KCNIP1: variants seen among roughly 807,000 people sequenced by gnomAD.
KCNIP1 encodes A-type potassium channel modulatory protein KCNIP1.
KCNIP1 carries 18 observed loss-of-function variants against 33.0 expected under a neutral mutation model. That is an observed-to-expected ratio of 0.55 (90% CI 0.38 to 0.81). The LOEUF (loss-of-function observed/expected upper bound fraction) is 0.81. Among genes scored for constraint, KCNIP1 ranks in the 30% least tolerant of loss-of-function variants. The probability of loss-of-function intolerance (pLI) is 0.00; values close to 1 mark genes in which losing one functional copy is unlikely to be tolerated. For synonymous variants in KCNIP1, 93 were observed against 98.3 expected (o/e 0.95, Z 0.32); for missense variants, 238 against 271.6 (o/e 0.88, Z 0.87).
chr5:170,411,857 G>A (rs573814008), intron 1 of KCNIP1, among the ~76,000 whole-genome samples: 1 of 152,310 alleles, frequency 6.6e-6, no homozygotes, highest in South Asian at 2.1e-4. Flanking sequence ...GTGAGTAGGT[G>A]AGTGGAGGTC....
chr5:170,503,817 A>G (rs1359546902), upstream of KCNIP1, among the ~76,000 whole-genome samples: 2 of 150,040 alleles, frequency 1.3e-5, no homozygotes, highest in Non-Finnish European at 3.0e-5. Context: ...AACCTCACCC[A>G]TCAGCCAGGT....
chr5:170,592,815 A>G (rs1230253527), intron 1 of KCNIP1, among the ~76,000 whole-genome samples: 1 of 152,202 alleles, frequency 6.6e-6, no homozygotes, highest in Non-Finnish European at 1.5e-5. Flanking sequence ...CAAAGTGCTA[A>G]GCATGTGGCT....
chr5:170,568,812 G>A (rs890414062), intron 1 of KCNIP1, among the ~76,000 whole-genome samples: 4 of 151,926 alleles, frequency 2.6e-5, no homozygotes, highest in African/African-American at 9.7e-5. Flanking sequence ...GACAGAATGC[G>A]ACTCCATCTC....
chr5:170,393,966 G>T (rs1278223014), intron 1 of KCNIP1, among the ~76,000 whole-genome samples: 1 of 152,164 alleles, frequency 6.6e-6, no homozygotes, highest in African/African-American at 2.4e-5. Flanking sequence ...TTTCCTTAGT[G>T]CAAATCATCC....
intron 1 of KCNIP1, among the ~76,000 whole-genome samples, chr5:170,386,993 A>C (rs1212062659): frequency 6.6e-6 from 1 of 152,016 alleles, no homozygotes; most frequent in Non-Finnish European, 1.5e-5. Context: ...ACAGCCCCTC[A>C]ATCTATGCCG....
At chr5:170,688,497 C>G (rs1363440151) in intron 1 of KCNIP1, among the ~76,000 whole-genome samples, 1 of 152,196 alleles carries the variant, frequency 6.6e-6, no homozygotes, top group Non-Finnish European at 1.5e-5. Flanking sequence ...CCCATTGCAG[C>G]AGGGATGCCA....
chr5:170,620,022 A>G (rs375215124), intron 1 of KCNIP1, among the ~76,000 whole-genome samples: 126 of 152,266 alleles, frequency 8.3e-4, no homozygotes, highest in African/African-American at 2.7e-3. Context: ...CCACTTACTA[A>G]CTTCAAGAGT....
intron 1 of KCNIP1, among the ~76,000 whole-genome samples, chr5:170,527,191 C>T (rs1372484056): frequency 6.6e-6 from 1 of 152,066 alleles, no homozygotes; most frequent in Non-Finnish European, 1.5e-5. Context: ...AGCCATGAAG[C>T]TCTAATATCA....
Position 170,699,383 on chromosome 5 carries a change from G to T in KCNIP1, c.62-19375G>T, listed in dbSNP as rs150351571. Among the ~76,000 whole-genome samples, 37 of 151,940 alleles carry T rather than the reference G, an allele frequency of 2.4e-4. No individual in the cohort carries two copies. In the East Asian group the frequency reaches 5.8e-3, roughly 24 times the overall value. On this transcript the variant is annotated intron_variant, in intron 1 of 7. Coordinates refer to ENST00000328939, the MANE Select transcript of KCNIP1 (RefSeq NM_014592.4). ...AGAACTAATCTGAAATCTGCACAGG[G>T]TCCCCACGTCTCGGATCCTCATCCC...
At chr5:170,713,851 G>A (rs1282785748) in intron 1 of KCNIP1, among the ~76,000 whole-genome samples, 6 of 151,884 alleles carry the variant, frequency 4.0e-5, no homozygotes, top group South Asian at 2.1e-4. Context: ...GTGAAAACCC[G>A]TTTCTACTAA....
chr5:170,625,566 C>T (rs1759789963), intron 1 of KCNIP1, among the ~76,000 whole-genome samples: 1 of 152,328 alleles, frequency 6.6e-6, no homozygotes, highest in East Asian at 1.9e-4. Context: ...CACCAATTTC[C>T]TTGGAAATTT....
chr5:170,542,997 A>T (rs1756269878), intron 1 of KCNIP1, among the ~76,000 whole-genome samples: 1 of 152,210 alleles, frequency 6.6e-6, no homozygotes, highest in African/African-American at 2.4e-5. Context: ...GGTGAGGGCC[A>T]GTTCTTCATA....
At chr5:170,604,055 G>T (rs1171356766) in intron 1 of KCNIP1, among the ~76,000 whole-genome samples, 1 of 152,172 alleles carries the variant, frequency 6.6e-6, no homozygotes, top group Non-Finnish European at 1.5e-5. Flanking sequence ...CTTGAAGTAG[G>T]ATGGAGAGGA....
intron 1 of KCNIP1, among the ~76,000 whole-genome samples, chr5:170,394,555 T>C (rs7719390): frequency 0.24 from 37,056 of 152,204 alleles, 4,799 homozygotes; most frequent in Middle Eastern, 0.31. Context: ...CTTCTTTAAA[T>C]TGATATATTA....
chr5:170,504,712 C>T lies in KCNIP1; in HGVS notation c.61+79C>T. 3 of 1,200,004 alleles carry T rather than the reference C, an allele frequency of 2.5e-6. No individual in the cohort carries two copies. The highest frequency in any genetic ancestry group is 2.5e-6 in the Non-Finnish European group (2 of 805,246). The allele number at this position is 1,200,004 out of a possible 1,614,324, so 74.3% of individuals were successfully genotyped here. ...CCGAGGTGGGCTGTGCCACCTGCCTCCCTTAGTCCGGACTCTCCTCTCCAC... is the reference window on the plus strand; with the variant it reads ...CCGAGGTGGGCTGTGCCACCTGCCTTCCTTAGTCCGGACTCTCCTCTCCAC... On this transcript the variant is annotated intron_variant, in intron 1 of 7. Coordinates refer to ENST00000328939, the MANE Select transcript of KCNIP1 (RefSeq NM_014592.4). This position sits in a 1 kb window ranked among gnomAD's most constrained non-coding sequence, Gnocchi z 6.0.
intron 1 of KCNIP1, among the ~76,000 whole-genome samples, chr5:170,387,977 G>A (rs914158770): frequency 4.6e-5 from 7 of 152,190 alleles, no homozygotes; most frequent in African/African-American, 1.7e-4. Flanking sequence ...GAACTGGATC[G>A]CACCTGTGGG....
chr5:170,524,391 T>C (rs1755492141), intron 1 of KCNIP1, among the ~76,000 whole-genome samples: 1 of 152,206 alleles, frequency 6.6e-6, no homozygotes, highest in South Asian at 2.1e-4. Flanking sequence ...GTGAATGTTC[T>C]GGACTCTGGA....
At chr5:170,371,720 C>T (rs1763850815) in intron 1 of KCNIP1, among the ~76,000 whole-genome samples, 1 of 152,172 alleles carries the variant, frequency 6.6e-6, no homozygotes, top group African/African-American at 2.4e-5. Flanking sequence ...GCCCTTATTA[C>T]CGTTAGGAAT....
At chr5:170,461,826 T>C (rs943794831) in intron 1 of KCNIP1, among the ~76,000 whole-genome samples, 8 of 150,710 alleles carry the variant, frequency 5.3e-5, no homozygotes, top group African/African-American at 2.0e-4. Context: ...TACAGCAAAC[T>C]GATCTTTGAC....
Sources: gnomAD v4.1 joint callset for allele counts (sites outside exome capture counted in the v4.1 genomes callset) on GRCh38, gnomAD v4.1.1 for gene constraint, Gnocchi (gnomAD v3.1) non-coding constraint, MANE v1.5 for transcripts, NCBI Gene and HGNC (gene_info 2026-07-23, HGNC 2026-07-21) for gene names.